Variants in ROBO1 observed in about 807,000 individuals in gnomAD.
ROBO1 encodes the protein roundabout guidance receptor 1, also known as roundabout homolog 1.
ROBO1 carries 149 observed loss-of-function variants against 195.9 expected under a neutral mutation model. The observed-to-expected ratio is 0.76, with a 90% CI of 0.67 to 0.87. ROBO1 has a LOEUF of 0.87. Ranked by LOEUF, ROBO1 falls within the 40% of genes least tolerant of loss-of-function variation. The pLI is 0.00. For synonymous variants in ROBO1, 816 were observed against 733.2 expected, an observed-to-expected ratio of 1.11 and a Z score of -1.82; for missense variants, 1,933 against 2,068.3, an observed-to-expected ratio of 0.93 and a Z score of 1.27.
chr3:79,624,056 G>A (rs534206284), intron 1 of ROBO1, among the ~76,000 whole-genome samples: 23 of 152,210 alleles, frequency 1.5e-4, no homozygotes, highest in African/African-American at 4.8e-4. Context: ...CATTCTTAAA[G>A]AAAATAATTT....
rs535360301 is a variant in ROBO1, at chr3:79,687,433, G to C, written c.-51+80319C>G. Among the ~76,000 whole-genome samples the C allele has an allele frequency of 5.3e-5, 8 of 152,240 alleles. 1 individual carries two copies. Among genetic ancestry groups the C allele is most frequent in the African/African-American group, 1.9e-4 (8 of 41,534 alleles). ...AAAGAAACTACTATCAGAGTGAACA[G>C]GCAACCTACAGAATGGGAGAAATTT... On this transcript the variant is annotated intron_variant, in intron 1 of 30. Transcript: ENST00000464233.
At chr3:78,715,683 C>T (rs1000585569) in intron 7 of ROBO1, among the ~76,000 whole-genome samples, 1 of 152,104 alleles carries the variant, frequency 6.6e-6, no homozygotes, top group Non-Finnish European at 1.5e-5. Flanking sequence ...AGGATTATAG[C>T]GTGCCACCAT....
chr3:79,058,593 CCATA>C (rs1414127901), intron 3 of ROBO1, among the ~76,000 whole-genome samples: 1 of 152,000 alleles, frequency 6.6e-6, no homozygotes, highest in Non-Finnish European at 1.5e-5. Context: ...CTGACTGTTC[CCATA>C]CAGAGTTGTG....
At chr3:78,810,352 T>G (rs898287111) in intron 4 of ROBO1, among the ~76,000 whole-genome samples, 4 of 152,176 alleles carry the variant, frequency 2.6e-5, no homozygotes, top group Admixed American at 6.6e-5. Context: ...AGGAAGCTTT[T>G]CCTTTGGAAT....
At chr3:79,262,768 T>A (rs997217971) in intron 2 of ROBO1, among the ~76,000 whole-genome samples, 4 of 152,026 alleles carry the variant, frequency 2.6e-5, no homozygotes, top group African/African-American at 9.7e-5. Flanking sequence ...GATAAAAAAA[T>A]AAGTATCGAC....
At chr3:79,454,805 A>T (rs1016211010) in intron 2 of ROBO1, among the ~76,000 whole-genome samples, 10 of 152,134 alleles carry the variant, frequency 6.6e-5, no homozygotes, top group African/African-American at 2.4e-4. Context: ...ATCTTCAACT[A>T]AAACACATAC....
chr3:78,942,498 G>A (rs2040194283), intron 3 of ROBO1, among the ~76,000 whole-genome samples: 1 of 152,106 alleles, frequency 6.6e-6, no homozygotes, highest in African/African-American at 2.4e-5. Flanking sequence ...TCTTGTCTCT[G>A]TAATGGGTGA....
intron 2 of ROBO1, among the ~76,000 whole-genome samples, chr3:79,379,817 CAT>C (rs1375369490): frequency 6.6e-6 from 1 of 152,186 alleles, no homozygotes; most frequent in African/African-American, 2.4e-5. Flanking sequence ...TATTTATAGA[CAT>C]ATAAAATATT....
At chr3:79,407,282 A>G (rs2037586100) in intron 2 of ROBO1, among the ~76,000 whole-genome samples, 1 of 152,188 alleles carries the variant, frequency 6.6e-6, no homozygotes, top group South Asian at 2.1e-4. Context: ...TGTAATAGCC[A>G]TTCAGAGGTA....
rs1259174449 is a variant in ROBO1 at position 78,686,352 on chromosome 3, C to T, written c.1171-435G>A. Among the ~76,000 whole-genome samples, 10 of 151,958 alleles carry T rather than the reference C, an allele frequency of 6.6e-5. No homozygotes were observed. In the East Asian group the frequency reaches 9.7e-4, roughly 15 times the overall value. On this transcript the variant is annotated intron_variant, in intron 9 of 30. Coordinates refer to ENST00000464233, the MANE Select transcript of ROBO1 (RefSeq NM_002941.4). ...CAGGCGGATCACGAGGTCAGGAGAT[C>T]GAGACCATCCTGGCTAACACGGTGA...
intron 5 of ROBO1, among the ~76,000 whole-genome samples, chr3:78,720,486 A>G (rs1277702425): frequency 6.6e-6 from 1 of 152,184 alleles, no homozygotes; most frequent in African/African-American, 2.4e-5. Flanking sequence ...ACACTTTTAC[A>G]CTGTTGGTGG....
At chr3:78,679,000 G>A (rs1469110512) in intron 10 of ROBO1, among the ~76,000 whole-genome samples, 14 of 152,132 alleles carry the variant, frequency 9.2e-5, no homozygotes, top group Admixed American at 9.2e-4. Flanking sequence ...CTTCATCCCT[G>A]GGATGCAAGG....
chr3:79,225,147 C>T (rs2082202880), intron 2 of ROBO1, among the ~76,000 whole-genome samples: 1 of 151,314 alleles, frequency 6.6e-6, no homozygotes, highest in Admixed American at 6.6e-5. Context: ...TAAATAAAAA[C>T]TACATTTAGT....
Position 78,659,673 on chromosome 3 carries a change from A to AT in ROBO1, c.2442+12dup. ...CATCAGGACATTAATATATATATAT[A>AT]TTATACTCATACCTTATACTCTTGG... On this transcript the variant is annotated intron_variant, in intron 17 of 30. Coordinates refer to ENST00000464233, the MANE Select transcript of ROBO1 (RefSeq NM_002941.4). The AT allele has an allele frequency of 1.3e-6, 2 of 1,526,078 alleles. No individual in the cohort carries two copies. The highest frequency in any genetic ancestry group is 1.8e-6 in the Non-Finnish European group (2 of 1,132,848). The allele number at this position is 1,526,078 out of a possible 1,614,324, so 94.5% of individuals were successfully genotyped here.
At chr3:79,294,057 CAAAAAAAAAA>C (rs71631641) in intron 2 of ROBO1, among the ~76,000 whole-genome samples, 8 of 29,058 alleles carry the variant, frequency 2.8e-4, no homozygotes, top group East Asian at 4.3e-3. Context: ...GACTCCATCT[CAAAAAAAAAA>C]AAAAAAAAAA....
At chr3:79,745,245 T>A (rs17380632) in intron 1 of ROBO1, among the ~76,000 whole-genome samples, 36,963 of 152,074 alleles carry the variant, frequency 0.24, 4,727 homozygotes, top group East Asian at 0.33. Context: ...AACAGCAGCA[T>A]TGGTATGTAT....
chr3:78,958,116 G>T (rs1010977980), intron 3 of ROBO1, among the ~76,000 whole-genome samples: 2 of 152,068 alleles, frequency 1.3e-5, no homozygotes, highest in Non-Finnish European at 2.9e-5. Context: ...AAAATAAGAG[G>T]ATTTTTCTTT....
intron 4 of ROBO1, among the ~76,000 whole-genome samples, chr3:78,927,164 C>T (rs1416556988): frequency 6.6e-6 from 1 of 152,146 alleles, no homozygotes; most frequent in Non-Finnish European, 1.5e-5. Flanking sequence ...GGTAAAGCTC[C>T]ATATTTGAAT....
chr3:78,834,023 G>A (rs546555083), intron 4 of ROBO1, among the ~76,000 whole-genome samples: 6 of 152,106 alleles, frequency 3.9e-5, no homozygotes, highest in Non-Finnish European at 8.8e-5. Flanking sequence ...CACAGAATCT[G>A]ACAAAGTAAT....
Sources: gnomAD v4.1 joint callset for allele counts (sites outside exome capture counted in the v4.1 genomes callset) on GRCh38, gnomAD v4.1.1 for gene constraint, MANE v1.5 for transcripts, NCBI Gene and HGNC (gene_info 2026-07-23, HGNC 2026-07-21) for gene names.